The following BRCA2 variants were observed in gnomAD, a reference collection of about 807,000 sequenced individuals.
BRCA2 encodes BRCA2 DNA repair associated.
In BRCA2, 203 loss-of-function variants were observed where a neutral mutation model predicts 276.7. That is an observed-to-expected ratio of 0.73 (90% CI 0.65 to 0.82). BRCA2 has a LOEUF of 0.82. Among genes scored for constraint, BRCA2 ranks in the 40% least tolerant of loss-of-function variants. BRCA2 has a pLI of 0.00. For synonymous variants in BRCA2, 1,289 were observed against 1,338.4 expected, an observed-to-expected ratio of 0.96 and a Z score of 0.81; for missense variants, 3,920 against 3,915.0, an observed-to-expected ratio of 1.00 and a Z score of -0.03.
chr13:32,330,730 C>T (rs2137460461), intron 8 of BRCA2, among the ~76,000 whole-genome samples, 189 bp from the exon 9 acceptor site: 1 of 152,278 alleles, frequency 6.6e-6, no homozygotes, highest in South Asian at 2.1e-4. Flanking sequence ...CATCACACTA[C>T]TCAGGATGAC....
chr13:32,374,886 G>C (rs377508014), intron 20 of BRCA2, among the ~76,000 whole-genome samples: 1 of 152,160 alleles, frequency 6.6e-6, no homozygotes, highest in Non-Finnish European at 1.5e-5. Flanking sequence ...ATCTGTATTA[G>C]TTCATCCTCA....
chr13:32,370,497 C>T lies in BRCA2; in HGVS notation c.8427C>T (p.Phe2809=), dbSNP rs786202966. The change falls in exon 19 of 27, where the codon TTC becomes TTT. Residue 2809 remains phenylalanine, a synonymous_variant. Coordinates refer to ENST00000380152, the MANE Select transcript of BRCA2 (RefSeq NM_000059.4). ...TTCCTCTGCCCTTATCATCGCTTTT[C>T]AGTGATGGAGGAAATGTTGGTTGTG... The part of the protein sequence containing the change: ...RPFPLPLSSL[F]SDGGNVGCVD... The T allele has an allele frequency of 2.5e-6, 4 of 1,613,590 alleles. No individual in the cohort carries two copies. Among genetic ancestry groups the T allele is most frequent in the Non-Finnish European group, 3.4e-6 (4 of 1,179,626 alleles).
rs1555288398 is a variant in BRCA2 at position 32,379,476 on chromosome 13, T to G, written c.8914T>G (p.Leu2972Val). 6.2e-7 allele frequency: 1 copy of G among 1,613,346 alleles called. No individual in the cohort carries two copies. Among genetic ancestry groups the G allele is most frequent in the Non-Finnish European group, 8.5e-7 (1 of 1,179,806 alleles). Residue 2972 changes from leucine (L) to valine (V), a missense_variant, in exon 22 of 27, where the codon TTG becomes GTG. Around this residue, in one of 2 missense-constraint regions of BRCA2, gnomAD observed 657 missense variants for 758.2 expected, o/e 0.87. Coordinates refer to ENST00000380152, the MANE Select transcript of BRCA2 (RefSeq NM_000059.4). ...AAGGGATGTCACAACCGTGTGGAAG[T>G]TGCGTATTGTAAGCTATTCAAAAAA... Reference protein sequence around the residue: ...LSRDVTTVWKLRIVSYSKKEK... With the variant: ...LSRDVTTVWKVRIVSYSKKEK...
intron 24 of BRCA2, chr13:32,384,883 G>A (rs2072948319): frequency 3.3e-6 from 1 of 302,528 alleles, no homozygotes; most frequent in Non-Finnish European, 6.8e-6. Context: ...AAGTGCTGGA[G>A]AACTTGAAAG....
At chr13:32,358,014 A>G in intron 16 of BRCA2, 85 bp downstream of exon 16, 2 of 1,465,078 alleles carry the variant, frequency 1.4e-6, no homozygotes, top group South Asian at 2.4e-5. Context: ...CGAACTAAAA[A>G]GTTGGCTAGA....
rs771981392 is a variant in BRCA2 at position 32,362,551 on chromosome 13, C to A, written c.7834C>A (p.Pro2612Thr). 6.2e-7 allele frequency: 1 copy of A among 1,613,926 alleles called. No homozygotes were observed. The highest frequency in any genetic ancestry group is 8.5e-7 in the Non-Finnish European group (1 of 1,179,906). The change falls in exon 17 of 27, where the codon CCA becomes ACA. Residue 2612 changes from proline to threonine, a missense_variant. Pro to Thr is a conservative substitution (Grantham distance 38). Coordinates refer to ENST00000380152, the MANE Select transcript of BRCA2 (RefSeq NM_000059.4). ...TCTGTGTGACACTCCAGGTGTGGATCCAAAGCTTATTTCTAGAATTTGGGT... is the reference window on the plus strand; with the variant it reads ...TCTGTGTGACACTCCAGGTGTGGATACAAAGCTTATTTCTAGAATTTGGGT... Reference protein sequence around the residue: ...RALCDTPGVDPKLISRIWVYN... With the variant: ...RALCDTPGVDTKLISRIWVYN...
rs577069133 is a variant in BRCA2 at position 32,348,805 on chromosome 13, C to G, written c.7007+1909C>G. On this transcript the variant is annotated intron_variant, in intron 13 of 26. Transcript: ENST00000380152. ...TCCCAGAGTAGCTGTGTTGCTAAGT[C>G]TAGAAAGGCAGCTAGACTACTTTGG... Among the ~76,000 whole-genome samples, 7 of 152,250 alleles carry G rather than the reference C, an allele frequency of 4.6e-5. No individual in the cohort carries two copies. The East Asian group carries it at 1.3e-3, about 29-fold the overall frequency.
rs1247198934 is a variant in BRCA2 at position 32,363,405 on chromosome 13, C to A, written c.8203C>A (p.Pro2735Thr). Residue 2735 changes from proline (P) to threonine (T), a missense_variant, in exon 18 of 27, where the codon CCC becomes ACC. Coordinates refer to ENST00000380152, the MANE Select transcript of BRCA2 (RefSeq NM_000059.4). ...WYAVKAQLDP[P>T]LLAVLKNGRL... Reference sequence around the variant, plus strand: ...TGCTGTTAAGGCCCAGTTAGATCCTCCCCTCTTAGCTGTCTTAAAGAATGG... The same window carrying A: ...TGCTGTTAAGGCCCAGTTAGATCCTACCCTCTTAGCTGTCTTAAAGAATGG... The A allele has an allele frequency of 6.2e-7, 1 of 1,614,148 alleles. No individual in the cohort carries two copies. The highest frequency in any genetic ancestry group is 1.7e-5 in the Admixed American group (1 of 60,024).
chr13:32,375,465 A>AT (rs1333733250), intron 20 of BRCA2: 8 of 394,888 alleles, frequency 2.0e-5, no homozygotes, highest in Non-Finnish European at 4.0e-5. Context: ...TCTTAATGGT[A>AT]TTTAGAATGG....
Position 32,337,121 on chromosome 13 carries a change from C to A in BRCA2, c.2766C>A (p.Phe922Leu), listed in dbSNP as rs764749018. 1.2e-6 allele frequency: 2 copies of A among 1,613,744 alleles called. No individual in the cohort carries two copies. The highest frequency in any genetic ancestry group is 2.2e-5 in the South Asian group (2 of 91,018). ...TDLTCVNEPI[F>L]KNSTMVLYGD... is the part of the protein sequence containing the mutation. ...TGACTTGTGTAAACGAACCCATTTTCAAGAACTCTACCATGGTTTTATATG... is the reference window on the plus strand; with the variant it reads ...TGACTTGTGTAAACGAACCCATTTTAAAGAACTCTACCATGGTTTTATATG... Residue 922 changes from phenylalanine (F) to leucine (L), a missense_variant, in exon 11 of 27, where the codon TTC becomes TTA. This residue lies in a region of BRCA2 where 3,263 missense variants were observed against 3,156.9 expected (regional missense o/e 1.03). Coordinates refer to ENST00000380152, the MANE Select transcript of BRCA2 (RefSeq NM_000059.4).
chr13:32,329,341 G>A, intron 7 of BRCA2, 102 bp from the exon 8 acceptor site: 1 of 764,598 alleles, frequency 1.3e-6, no homozygotes, highest in Non-Finnish European at 2.2e-6. Flanking sequence ...TTTCAAATGT[G>A]TCATGTAATC....
chr13:32,394,965 T>G (rs768981651), intron 25 of BRCA2, 32 bp downstream of exon 25: 19 of 1,612,908 alleles, frequency 1.2e-5, no homozygotes, highest in Non-Finnish European at 1.5e-5. Context: ...ACCACACATT[T>G]TGGTATTTTT....
At position 32,340,246 on chromosome 13, in the gene BRCA2, A is replaced by G. The variant is rs80358821; in HGVS notation, c.5891A>G (p.Lys1964Arg). The G allele has an allele frequency of 1.9e-6, 3 of 1,613,916 alleles. No individual in the cohort carries two copies. Among genetic ancestry groups the G allele is most frequent in the African/African-American group, 1.3e-5 (1 of 74,920 alleles). Residue 1964 changes from lysine to arginine, a missense_variant, in exon 11 of 27, where the codon AAG (lysine) becomes AGG (arginine). Around this residue, in one of 2 missense-constraint regions of BRCA2, gnomAD observed 3,263 missense variants for 3,156.9 expected, o/e 1.03. Coordinates refer to ENST00000380152, the MANE Select transcript of BRCA2 (RefSeq NM_000059.4). ...TSDICKCSIG[K>R]LHKSVSSANT... ...GATATATGTAAATGTAGTATAGGGA[A>G]GCTTCATAAGTCAGTCTCATCTGCA...
intron 24 of BRCA2, among the ~76,000 whole-genome samples, chr13:32,388,519 G>A (rs11571798): frequency 4.2e-4 from 64 of 152,146 alleles, no homozygotes; most frequent in Admixed American, 9.2e-4. Flanking sequence ...TAAATTACAT[G>A]AGATATTCAA....
intron 24 of BRCA2, chr13:32,385,320 G>T: frequency 4.7e-6 from 1 of 215,036 alleles, no homozygotes; most frequent in South Asian, 8.6e-5. Flanking sequence ...GATATAGTAA[G>T]GTTCTTCTTG....
intron 13 of BRCA2, among the ~76,000 whole-genome samples, chr13:32,350,892 G>T (rs1010464717): frequency 3.9e-5 from 6 of 152,224 alleles, no homozygotes; most frequent in African/African-American, 9.6e-5. Flanking sequence ...TCTGGGTCGT[G>T]TGGGGACTTG....
chr13:32,370,812 C>G, intron 19 of BRCA2, 144 bp from the exon 20 acceptor site: 1 of 1,082,840 alleles, frequency 9.2e-7, no homozygotes. Context: ...AGGCTGATCT[C>G]GAACTCCTGA....
Position 32,338,291 on chromosome 13 carries a change from T to C in BRCA2, c.3936T>C (p.Asn1312=), listed in dbSNP as rs876659198. 1 of 1,575,360 alleles carries C rather than the reference T, an allele frequency of 6.3e-7. No individual in the cohort carries two copies. The highest frequency in any genetic ancestry group is 1.4e-5 in the African/African-American group (1 of 73,136). The part of the protein sequence containing the change: ...TGTFVEEITE[N]YKRNTENEDN... ...CTTTTGTTGAAGAAATTACTGAAAATTACAAGAGAAATACTGAAAATGAAG... is the reference window on the plus strand; with the variant it reads ...CTTTTGTTGAAGAAATTACTGAAAACTACAAGAGAAATACTGAAAATGAAG... Residue 1312 remains asparagine, a synonymous_variant, in exon 11 of 27, where the codon AAT becomes AAC. Transcript: ENST00000380152.
intron 21 of BRCA2, among the ~76,000 whole-genome samples, 176 bp from the exon 22 acceptor site, chr13:32,379,141 A>G (rs1418523101): frequency 1.3e-5 from 2 of 152,206 alleles, no homozygotes; most frequent in African/African-American, 2.4e-5. Context: ...GGGAAATAGA[A>G]TTATTAATAG....
Sources: allele counts gnomAD v4.1 joint callset (sites outside exome capture counted in the v4.1 genomes callset), GRCh38; gene constraint gnomAD v4.1.1; regional missense constraint gnomAD v4.1.1; transcripts MANE v1.5; gene names NCBI Gene and HGNC (gene_info 2026-07-23, HGNC 2026-07-21).